Variants in CDH12 observed in about 807,000 individuals in gnomAD.
CDH12 encodes the protein cadherin 12.
In CDH12, 41 loss-of-function variants were observed where a neutral mutation model predicts 74.1. The observed-to-expected ratio is 0.55, with a 90% CI of 0.43 to 0.72. The LOEUF (loss-of-function observed/expected upper bound fraction) is 0.72, where lower values mean the gene tolerates loss of function less well. CDH12 is among the 30% of genes least tolerant of loss of function. The probability of loss-of-function intolerance (pLI) is 0.00; values close to 1 mark genes in which losing one functional copy is unlikely to be tolerated. For missense variants in CDH12, 945 were observed against 977.2 expected (o/e 0.97, Z 0.44); for synonymous variants, 399 against 355.0 (o/e 1.12, Z -1.39).
chr5:22,078,504 C>A lies in CDH12; in HGVS notation c.173G>T (p.Trp58Leu). The A allele has an allele frequency of 6.2e-7, 1 of 1,613,906 alleles. No individual in the cohort carries two copies. ...HFQRVKRGWV[W>L]NQFFVLEEYV... ...TTCTTCCAGCACAAAAAATTGATTC[C>A]ATACCCAGCCACGTTTAACACGTTG... The change falls in exon 5 of 15, where the codon TGG becomes TTG. Residue 58 changes from tryptophan to leucine, a missense_variant. Around this residue, in one of 3 missense-constraint regions of CDH12, gnomAD observed 148 missense variants for 162.8 expected, o/e 0.91. Transcript: ENST00000382254.
At chr5:21,933,990 A>G (rs1265860170) in intron 6 of CDH12, among the ~76,000 whole-genome samples, 1 of 152,226 alleles carries the variant, frequency 6.6e-6, no homozygotes, top group African/African-American at 2.4e-5. Context: ...GATTTATTTG[A>G]CAAAAGGATT....
At chr5:21,904,049 A>T (rs1006937162) in intron 6 of CDH12, among the ~76,000 whole-genome samples, 3 of 152,166 alleles carry the variant, frequency 2.0e-5, no homozygotes, top group African/African-American at 2.4e-5. Flanking sequence ...ATTTCCAACC[A>T]TCAGGGATCT....
At chr5:22,675,335 T>C (rs1022772737) in intron 1 of CDH12, among the ~76,000 whole-genome samples, 4 of 152,164 alleles carry the variant, frequency 2.6e-5, no homozygotes, top group African/African-American at 9.6e-5. Context: ...CCAAGTGGTG[T>C]TGAGCCTGTG....
At chr5:22,475,166 C>A (rs1746118046) in intron 2 of CDH12, among the ~76,000 whole-genome samples, 1 of 151,442 alleles carries the variant, frequency 6.6e-6, no homozygotes, top group Non-Finnish European at 1.5e-5. Context: ...CCTTGAATCT[C>A]AAAGTCATAT....
intron 1 of CDH12, among the ~76,000 whole-genome samples, chr5:22,851,316 G>A (rs528139313): frequency 1.3e-5 from 2 of 152,078 alleles, no homozygotes; most frequent in African/African-American, 4.8e-5. Context: ...AAAAGCATTC[G>A]TGGCTTAAAA....
At position 22,782,125 on chromosome 5, in the gene CDH12, G is replaced by C. The variant is rs531964474; in HGVS notation, c.-523+70933C>G. 1.2e-3 allele frequency among the ~76,000 whole-genome samples: 183 copies of C among 152,276 alleles called. 1 individual carries two copies. Among genetic ancestry groups the C allele is most frequent in the Admixed American group, 5.3e-3 (81 of 15,284 alleles). On this transcript the variant is annotated intron_variant, in intron 1 of 14. Coordinates refer to ENST00000382254, the MANE Select transcript of CDH12 (RefSeq NM_004061.5). ...AAGGGACTCACCTTGTCTCAAATGA[G>C]ACTTTGGACTTGGACTTTTGGGTTA...
intron 2 of CDH12, among the ~76,000 whole-genome samples, chr5:22,460,713 A>ATTTTTTTTTTTTTTTTTTTTTTTTTTTTT (rs3039460): frequency 1.2e-5 from 1 of 85,622 alleles, no homozygotes; most frequent in African/African-American, 5.1e-5. Context: ...ATATCTAGCA[A>ATTTTTTTTTTTTTTTTTTTTTTTTTTTTT]TTTTTTTTTT....
At chr5:22,805,844 T>G (rs1225677480) in intron 1 of CDH12, among the ~76,000 whole-genome samples, 1 of 152,086 alleles carries the variant, frequency 6.6e-6, no homozygotes, top group African/African-American at 2.4e-5. Flanking sequence ...GTGTGTGATG[T>G]TCCCCTCCCT....
At chr5:22,298,967 T>C (rs1255596784) in intron 3 of CDH12, among the ~76,000 whole-genome samples, 2 of 152,152 alleles carry the variant, frequency 1.3e-5, no homozygotes, top group East Asian at 3.9e-4. Flanking sequence ...ACAAAAAATA[T>C]TATGTTCTAC....
chr5:22,224,642 G>A (rs1413030091), intron 3 of CDH12, among the ~76,000 whole-genome samples: 1 of 151,950 alleles, frequency 6.6e-6, no homozygotes, highest in Non-Finnish European at 1.5e-5. Context: ...AAAACAGGCA[G>A]ATAGTCATAT....
At chr5:22,362,431 T>A (rs374935435) in intron 3 of CDH12, among the ~76,000 whole-genome samples, 20 of 151,932 alleles carry the variant, frequency 1.3e-4, no homozygotes, top group Non-Finnish European at 2.5e-4. Flanking sequence ...TCAGGAAACA[T>A]CAGGTGCTAG....
At chr5:22,207,681 C>T (rs572052269) in intron 4 of CDH12, among the ~76,000 whole-genome samples, 1 of 152,248 alleles carries the variant, frequency 6.6e-6, no homozygotes, top group East Asian at 1.9e-4. Flanking sequence ...TCTAAAATGG[C>T]TCCTAAGTTA....
intron 4 of CDH12, among the ~76,000 whole-genome samples, chr5:22,119,130 GT>G (rs1745345036): frequency 6.6e-6 from 1 of 152,040 alleles, no homozygotes; most frequent in African/African-American, 2.4e-5. Context: ...TGCAGATTTC[GT>G]TGTCAGGAGT....
chr5:22,549,151 T>TTTTGTTTTA, intron 1 of CDH12, among the ~76,000 whole-genome samples: 1 of 151,954 alleles, frequency 6.6e-6, no homozygotes, highest in Middle Eastern at 3.4e-3. Flanking sequence ...TTTTTGTTTT[T>TTTTGTTTTA]TTGTAGAGAT....
chr5:22,571,359 T>C (rs987659297), intron 1 of CDH12, among the ~76,000 whole-genome samples: 3 of 151,966 alleles, frequency 2.0e-5, no homozygotes, highest in African/African-American at 7.3e-5. Context: ...GGAATTTCAC[T>C]CTTGTTGCTC....
chr5:22,396,384 A>T (rs1742461132), intron 3 of CDH12, among the ~76,000 whole-genome samples: 1 of 152,090 alleles, frequency 6.6e-6, no homozygotes, highest in African/African-American at 2.4e-5. Context: ...AGCTAATGCT[A>T]TGACACTGGG....
At position 22,030,837 on chromosome 5, in the gene CDH12, C is replaced by G. The variant is rs75938591; in HGVS notation, c.231+47609G>C. On this transcript the variant is annotated intron_variant, in intron 5 of 14. Coordinates refer to ENST00000382254, the MANE Select transcript of CDH12 (RefSeq NM_004061.5). The stretch of plus-strand genomic sequence containing the variant: ...CATTTATCAACGATATTAGCAAGAT[C>G]TTTTGGATAACTTGCTGCAGTTGTA... Among the ~76,000 whole-genome samples, 138 of 152,286 alleles carry G rather than the reference C, an allele frequency of 9.1e-4. 2 individuals are homozygous for G. In the East Asian group the frequency reaches 0.023, roughly 25 times the overall value.
intron 2 of CDH12, among the ~76,000 whole-genome samples, chr5:22,477,576 T>C (rs1746216527): frequency 6.6e-6 from 1 of 152,214 alleles, no homozygotes. Flanking sequence ...GATACAATGA[T>C]TTATATTCCT....
chr5:22,583,969 A>C (rs1740239066), intron 1 of CDH12, among the ~76,000 whole-genome samples: 2 of 152,026 alleles, frequency 1.3e-5, no homozygotes, highest in Admixed American at 1.3e-4. Flanking sequence ...AGTGAATCTT[A>C]GTATTTACTT....
Sources: allele counts gnomAD v4.1 joint callset (sites outside exome capture counted in the v4.1 genomes callset), GRCh38; gene constraint gnomAD v4.1.1; regional missense constraint gnomAD v4.1.1; transcripts MANE v1.5; gene names NCBI Gene and HGNC (gene_info 2026-07-23, HGNC 2026-07-21).